Variants in DST observed in about 807,000 individuals in gnomAD.
The protein encoded by DST is dystonin.
DST carries 253 observed loss-of-function variants against 875.2 expected under a neutral mutation model. That is an observed-to-expected ratio of 0.29 (90% CI 0.26 to 0.32). DST has a LOEUF of 0.32. Among genes scored for constraint, DST ranks in the 10% least tolerant of loss-of-function variants. The probability of loss-of-function intolerance (pLI) is 1.00; values close to 1 mark genes in which losing one functional copy is unlikely to be tolerated. For missense variants in DST, 8,287 were observed against 9,111.6 expected (o/e 0.91, Z 3.68); for synonymous variants, 3,124 against 3,197.1 (o/e 0.98, Z 0.77).
At chr6:56,934,653 G>A (rs1812097393) in intron 2 of DST, among the ~76,000 whole-genome samples, 1 of 144,688 alleles carries the variant, frequency 6.9e-6, no homozygotes, top group Admixed American at 7.0e-5. Flanking sequence ...AGAGAATTAA[G>A]GCACACTAAT....
rs1333759418 is a variant in DST, at chr6:56,634,616, T to A, written c.3340A>T (p.Ile1114Leu). The A allele has an allele frequency of 1.9e-6, 3 of 1,614,126 alleles. No homozygotes were observed. The highest frequency in any genetic ancestry group is 1.6e-4 in the Middle Eastern group (1 of 6,062). Residue 1114 changes from isoleucine to leucine, a missense_variant and splice_region_variant, in exon 26 of 104, where the codon ATA becomes TTA. Transcript: ENST00000680361. ...KAICDYRQIE[I>L]TIYKDDECVL... ...CATTCATCGTCTTTGTAAATGGTTA[T>A]CTGGTTTAAAATAAAGAGCAGAATA...
At chr6:56,579,414 A>T (rs1024999831) in intron 49 of DST, among the ~76,000 whole-genome samples, 1 of 152,228 alleles carries the variant, frequency 6.6e-6, no homozygotes, top group Non-Finnish European at 1.5e-5. Context: ...GTTACTGAAC[A>T]TCTAACAAAT....
intron 24 of DST, 99 bp downstream of exon 24, chr6:56,635,490 A>C (rs2098816200): frequency 8.3e-7 from 1 of 1,211,136 alleles, no homozygotes; most frequent in African/African-American, 1.5e-5. Context: ...TTAGTGGGAA[A>C]TATCAAGAGT....
At chr6:56,491,053 A>G (rs2095719027) in intron 85 of DST, among the ~76,000 whole-genome samples, 1 of 152,200 alleles carries the variant, frequency 6.6e-6, no homozygotes, top group Non-Finnish European at 1.5e-5. Flanking sequence ...TGCACCACAT[A>G]ATGTGGAGAG....
At chr6:56,746,790 C>G (rs1173446978) in intron 4 of DST, among the ~76,000 whole-genome samples, 1 of 152,094 alleles carries the variant, frequency 6.6e-6, no homozygotes, top group African/African-American at 2.4e-5. Context: ...GTATTTTATT[C>G]ATTTATGTAT....
intron 61 of DST, among the ~76,000 whole-genome samples, chr6:56,543,781 T>C (rs2097177564): frequency 6.6e-6 from 1 of 152,196 alleles, no homozygotes; most frequent in Non-Finnish European, 1.5e-5. Flanking sequence ...TTGTTAATTT[T>C]ACAGAAAAGA....
intron 50 of DST, among the ~76,000 whole-genome samples, chr6:56,577,802 T>C (rs1178583566): frequency 2.6e-5 from 4 of 152,142 alleles, no homozygotes; most frequent in Non-Finnish European, 4.4e-5. Context: ...AAAATACATA[T>C]GTAAGATAGT....
chr6:56,633,848 CAAATG>C (rs1284978102), intron 27 of DST, among the ~76,000 whole-genome samples: 2 of 152,180 alleles, frequency 1.3e-5, no homozygotes, highest in Non-Finnish European at 2.9e-5. Flanking sequence ...CTACGAAACT[CAAATG>C]AAATCAACTG....
intron 2 of DST, among the ~76,000 whole-genome samples, chr6:56,949,980 A>G (rs1424666371): frequency 6.6e-6 from 1 of 152,202 alleles, no homozygotes; most frequent in African/African-American, 2.4e-5. Context: ...TAATCACTGG[A>G]AAAAAACTAA....
chr6:56,489,504 G>A lies in DST; in HGVS notation c.20863C>T (p.Leu6955Phe), dbSNP rs987394597. 3 of 1,612,274 alleles carry A rather than the reference G, an allele frequency of 1.9e-6. No homozygotes were observed. Among genetic ancestry groups the A allele is most frequent in the Non-Finnish European group, 2.5e-6 (3 of 1,179,082 alleles). ...TATGGACCCACCTTATGTTGTGCAAGTTGTGTTTTTATTTTGTCTGGATCA... is the reference window on the plus strand; with the variant it reads ...TATGGACCCACCTTATGTTGTGCAAATTGTGTTTTTATTTTGTCTGGATCA... ...ANDPDKIKTQLAQHKEFQKSL... is the reference protein window; with the variant it reads ...ANDPDKIKTQFAQHKEFQKSL... Residue 6955 changes from leucine (L) to phenylalanine (F), a missense_variant, in exon 86 of 104, where the codon CTT becomes TTT. By Grantham distance (22) the Leu-to-Phe change is conservative. This residue lies in a region of DST where 1,292 missense variants were observed against 1,552.7 expected (regional missense o/e 0.83). Coordinates refer to ENST00000680361, the MANE Select transcript of DST (RefSeq NM_001374736.1).
At position 56,528,928 on chromosome 6, in the gene DST, GA is replaced by G. The variant is rs1562577276; in HGVS notation, c.17596-4del. The G allele has an allele frequency of 6.4e-7, 1 of 1,568,050 alleles. No individual in the cohort carries two copies. On this transcript the variant is annotated splice_region_variant and splice_polypyrimidine_tract_variant and intron_variant, in intron 66 of 103. Coordinates refer to ENST00000680361, the MANE Select transcript of DST (RefSeq NM_001374736.1). ...AGTAAGATGTCCTCTTGCAGAACCT[GA>G]AAACACAGGTACCATTTTTATGTGG...
intron 39 of DST, 21 bp from the exon 40 acceptor site, chr6:56,609,365 T>A: frequency 6.4e-7 from 1 of 1,554,892 alleles, no homozygotes; most frequent in South Asian, 1.2e-5. Context: ...AATGCAAAAA[T>A]CTCAGGTCAC....
At chr6:56,717,856 G>A (rs1257853851) in intron 5 of DST, among the ~76,000 whole-genome samples, 1 of 118,532 alleles carries the variant, frequency 8.4e-6, no homozygotes, top group Non-Finnish European at 1.7e-5. Flanking sequence ...TTCTGGAGAA[G>A]ACTGATTTGA....
At chr6:56,776,637 G>C (rs914973706) in intron 4 of DST, among the ~76,000 whole-genome samples, 3 of 151,912 alleles carry the variant, frequency 2.0e-5, no homozygotes, top group Non-Finnish European at 4.4e-5. Flanking sequence ...AAAATTAAAA[G>C]TTTATTAAAA....
intron 2 of DST, among the ~76,000 whole-genome samples, chr6:56,947,117 A>T (rs1026720563): frequency 3.2e-4 from 48 of 152,204 alleles, no homozygotes; most frequent in African/African-American, 1.1e-3. Context: ...AAGGCCCCCA[A>T]CTGGCCATTT....
At chr6:56,656,911 T>C (rs527285654) in intron 10 of DST, among the ~76,000 whole-genome samples, 1 of 152,244 alleles carries the variant, frequency 6.6e-6, no homozygotes, top group South Asian at 2.1e-4. Context: ...ATAAGAAACA[T>C]GCTGAAGTTC....
chr6:56,609,357 T>C lies in DST; in HGVS notation c.5284-13A>G, dbSNP rs370410535. The C allele has an allele frequency of 1.3e-6, 2 of 1,569,784 alleles. No individual in the cohort carries two copies. Among genetic ancestry groups the C allele is most frequent in the African/African-American group, 1.4e-5 (1 of 73,114 alleles). ...TCACTTTATCCAGCTGAAAGGAAAA[T>C]GCAAAAATCTCAGGTCACTCTGTTA... is the stretch of plus-strand genomic sequence containing the variant. On this transcript the variant is annotated splice_polypyrimidine_tract_variant and intron_variant, in intron 39 of 103. Transcript: ENST00000680361.
intron 36 of DST, among the ~76,000 whole-genome samples, chr6:56,622,256 C>T (rs1034857873): frequency 2.0e-5 from 3 of 152,036 alleles, no homozygotes; most frequent in African/African-American, 7.2e-5. Context: ...ACCCTCAATG[C>T]CTTAGGCAAT....
Position 56,608,315 on chromosome 6 carries a change from G to A in DST, c.6313C>T (p.Gln2105Ter). The A allele has an allele frequency of 6.2e-7, 1 of 1,613,024 alleles. No homozygotes were observed. The highest frequency in any genetic ancestry group is 8.5e-7 in the Non-Finnish European group (1 of 1,179,770). Reference sequence around the variant, plus strand: ...GGAATATAAAGAGCAGCTATTTTTTGTCTGCCATTCAGGATTTTGTAGGCC... The same window carrying A: ...GGAATATAAAGAGCAGCTATTTTTTATCTGCCATTCAGGATTTTGTAGGCC... ...ELAYKILNGR[Q>*]KIAALYIPES... Residue 2105 changes from glutamine (Q) to a stop codon, truncating the protein, a stop_gained, in exon 40 of 104, where the codon CAA becomes TAA. Coordinates refer to ENST00000680361, the MANE Select transcript of DST (RefSeq NM_001374736.1). LOFTEE classifies it high-confidence loss of function.
Sources: allele counts gnomAD v4.1 joint callset (sites outside exome capture counted in the v4.1 genomes callset), GRCh38; gene constraint gnomAD v4.1.1; regional missense constraint gnomAD v4.1.1; transcripts MANE v1.5; gene names NCBI Gene and HGNC (gene_info 2026-07-23, HGNC 2026-07-21).